The following ESYT2 variants were observed in gnomAD, a reference collection of about 807,000 sequenced individuals.
ESYT2 encodes the protein extended synaptotagmin-2.
Under a neutral mutation model 107.2 loss-of-function variants are expected in ESYT2, and 54 were observed. The observed-to-expected ratio is 0.50, with a 90% CI of 0.40 to 0.63. The LOEUF (loss-of-function observed/expected upper bound fraction) is 0.63, where lower values mean the gene tolerates loss of function less well. Ranked by LOEUF, ESYT2 falls within the 30% of genes least tolerant of loss-of-function variation. The pLI, the probability that ESYT2 is intolerant of heterozygous loss-of-function variation, is 0.00. For missense variants in ESYT2, 1,020 were observed against 1,094.5 expected, an observed-to-expected ratio of 0.93 and a Z score of 0.96; for synonymous variants, 491 against 434.1, an observed-to-expected ratio of 1.13 and a Z score of -1.63.
intron 1 of ESYT2, among the ~76,000 whole-genome samples, chr7:158,822,990 T>C (rs1840328502): frequency 6.6e-6 from 1 of 151,702 alleles, no homozygotes; most frequent in Non-Finnish European, 1.5e-5. Flanking sequence ...CACCTTTTCA[T>C]CCATTATTAA....
chr7:158,776,434 A>G (rs1838565025), intron 6 of ESYT2, among the ~76,000 whole-genome samples: 1 of 152,246 alleles, frequency 6.6e-6, no homozygotes, highest in African/African-American at 2.4e-5. Flanking sequence ...CACCTTTATC[A>G]ATGATCTTAG....
At chr7:158,763,713 T>C (rs1048750733) in intron 9 of ESYT2, among the ~76,000 whole-genome samples, 1 of 152,124 alleles carries the variant, frequency 6.6e-6, no homozygotes, top group Non-Finnish European at 1.5e-5. Flanking sequence ...TTTCTAGGGA[T>C]CCTGGATTGC....
At chr7:158,784,349 T>C (rs1839035060) in intron 6 of ESYT2, among the ~76,000 whole-genome samples, 2 of 152,224 alleles carry the variant, frequency 1.3e-5, no homozygotes, top group African/African-American at 4.8e-5. Flanking sequence ...CAGGGAGCCC[T>C]GTTCAAACAC....
In ESYT2 at chr7:158,821,966, C is replaced by T. The variant is rs112851598; in HGVS notation, c.330+7123G>A. 5.3e-3 allele frequency among the ~76,000 whole-genome samples: 807 copies of T among 152,242 alleles called. 15 individuals carry two copies. The highest frequency in any genetic ancestry group is 0.018 in the African/African-American group (735 of 41,520). On this transcript the variant is annotated intron_variant, in intron 1 of 22. Transcript: ENST00000275418. The stretch of plus-strand genomic sequence containing the variant: ...CCCTCCCTGCTCCTTTCTTCTGAGC[C>T]ACCGTGACACTGGAGCCATCACCAC...
chr7:158,746,754 T>G (rs1428632670), intron 16 of ESYT2, among the ~76,000 whole-genome samples: 1 of 152,084 alleles, frequency 6.6e-6, no homozygotes, highest in Non-Finnish European at 1.5e-5. Flanking sequence ...AAAAAGAGGC[T>G]GGGCACCGTG....
intron 19 of ESYT2, 110 bp from the exon 20 acceptor site, chr7:158,737,289 G>A (rs987459037): frequency 1.0e-5 from 14 of 1,383,690 alleles, no homozygotes; most frequent in African/African-American, 4.4e-5. Context: ...TCTACAAACC[G>A]AGAAGCAACA....
chr7:158,779,679 C>G (rs1381334501), intron 6 of ESYT2, among the ~76,000 whole-genome samples: 1 of 152,194 alleles, frequency 6.6e-6, no homozygotes. Context: ...GCGGCCCCTT[C>G]TGCTCTAAAC....
chr7:158,821,611 A>G (rs1470807095), intron 1 of ESYT2, among the ~76,000 whole-genome samples: 1 of 152,240 alleles, frequency 6.6e-6, no homozygotes, highest in Non-Finnish European at 1.5e-5. Context: ...GGCCTGGGCC[A>G]GCCATCCAGA....
Position 158,741,627 on chromosome 7 carries a change from G to A in ESYT2, c.2064C>T (p.Ser688=), listed in dbSNP as rs1368840733. ...GCTCCTTGACTGAGATGTGGCCTGG[G>A]GAGGCCAGGAGGCTGGAGGAGCTTC... ...LGRSSSSLLA[S]PGHISVKEPT... The change falls in exon 18 of 23, where the codon TCC becomes TCT. Residue 688 remains serine (S), a synonymous_variant. Coordinates refer to ENST00000275418, the MANE Select transcript of ESYT2 (RefSeq NM_001367773.1). The A allele has an allele frequency of 6.2e-7, 1 of 1,613,410 alleles. No homozygotes were observed. Among genetic ancestry groups the A allele is most frequent in the South Asian group, 1.1e-5 (1 of 91,072 alleles).
intron 8 of ESYT2, among the ~76,000 whole-genome samples, chr7:158,765,798 T>C (rs1319110288): frequency 6.6e-6 from 1 of 152,010 alleles, no homozygotes; most frequent in Non-Finnish European, 1.5e-5. Flanking sequence ...TATTGTTTTA[T>C]TGATAAAATA....
In ESYT2 at chr7:158,761,402, G is replaced by A. The variant is rs778432607; in HGVS notation, c.1233+94C>T. The A allele has an allele frequency of 1.3e-5, 13 of 1,038,098 alleles. No individual in the cohort carries two copies. The African/African-American group carries it at 1.4e-4, about 11-fold the overall frequency. The allele number at this position is 1,038,098 out of a possible 1,614,324, so 64.3% of individuals were successfully genotyped here. A position where few individuals can be genotyped will look rare whatever the true frequency, so the allele number is the denominator to read the frequency against. On this transcript the variant is annotated intron_variant, in intron 11 of 22. Coordinates refer to ENST00000275418, the MANE Select transcript of ESYT2 (RefSeq NM_001367773.1). ...CCATACTAATTAGGATTCCGGCACT[G>A]TGTGATGGTGAAGGGGTGGTTCGTG...
At position 158,773,360 on chromosome 7, in the gene ESYT2, G is replaced by C; in HGVS notation, c.784C>G (p.Leu262Val). The change falls in exon 7 of 23, where the codon CTG (leucine) becomes GTG (valine). Residue 262 changes from leucine to valine, a missense_variant. Leu to Val is a conservative substitution (Grantham distance 32, BLOSUM62 1). Transcript: ENST00000275418. Reference protein sequence around the residue: ...EINWTGLTNLLDVPGLNGLSD... With the variant: ...EINWTGLTNLVDVPGLNGLSD... ...ACTTACTTCAATCCAGGGACATCCA[G>C]AAGATTCGTCAGTCCTGTCCAGTTA... is the stretch of plus-strand genomic sequence containing the variant. 6.2e-7 allele frequency: 1 copy of C among 1,614,126 alleles called. No individual in the cohort carries two copies. The highest frequency in any genetic ancestry group is 8.5e-7 in the Non-Finnish European group (1 of 1,180,012).
chr7:158,731,105 T>G lies in ESYT2; in HGVS notation c.*3102A>C, dbSNP rs1044149015. On this transcript the variant is annotated 3_prime_UTR_variant, in exon 23 of 23. Transcript: ENST00000275418. Reference sequence around the variant, plus strand: ...TAACCCCCATCCCCCACCGCTGTTCTCTATTTGCAGTGGGGGGTCCAGCTG... The same window carrying G: ...TAACCCCCATCCCCCACCGCTGTTCGCTATTTGCAGTGGGGGGTCCAGCTG... 6.6e-6 allele frequency: 1 copy of G among 151,856 alleles called. No homozygotes were observed. Among genetic ancestry groups the G allele is most frequent in the East Asian group, 1.9e-4 (1 of 5,194 alleles). 9.4% of individuals were successfully genotyped at this position (151,856 alleles called of 1,614,324 possible).
chr7:158,757,213 T>C (rs1308473890), intron 13 of ESYT2, among the ~76,000 whole-genome samples: 1 of 152,148 alleles, frequency 6.6e-6, no homozygotes, highest in African/African-American at 2.4e-5. Context: ...GTTAAAATCA[T>C]GCAAGAAAAT....
At chr7:158,761,587 AT>A in intron 10 of ESYT2, 43 bp from the exon 11 acceptor site, 3 of 1,538,190 alleles carry the variant, frequency 2.0e-6, no homozygotes, top group Non-Finnish European at 2.7e-6. Context: ...ATAGAAACAC[AT>A]TTCTTACTGA....
intron 16 of ESYT2, among the ~76,000 whole-genome samples, chr7:158,746,397 C>T (rs1182967276): frequency 1.4e-4 from 21 of 151,940 alleles, no homozygotes; most frequent in Admixed American, 1.2e-3. Context: ...CTAGTCCCAG[C>T]CACTTGGGAG....
At chr7:158,824,881 G>A (rs983626356) in intron 1 of ESYT2, among the ~76,000 whole-genome samples, 11 of 152,182 alleles carry the variant, frequency 7.2e-5, no homozygotes, top group Non-Finnish European at 2.9e-5. Flanking sequence ...CCTGAGCATG[G>A]TGGCATGCAA....
intron 3 of ESYT2, among the ~76,000 whole-genome samples, 187 bp from the exon 4 acceptor site, chr7:158,793,913 C>A (rs934512836): frequency 2.0e-5 from 3 of 152,160 alleles, no homozygotes; most frequent in African/African-American, 7.2e-5. Flanking sequence ...ACCTTCCTCC[C>A]GTGAGCTGCA....
intron 6 of ESYT2, among the ~76,000 whole-genome samples, chr7:158,782,530 T>C (rs1187818419): frequency 2.1e-5 from 1 of 48,530 alleles, no homozygotes; most frequent in Non-Finnish European, 5.4e-5. Flanking sequence ...GAATAGCGAG[T>C]GTAAGAAAAT....
Sources: gnomAD v4.1 joint callset for allele counts (sites outside exome capture counted in the v4.1 genomes callset) on GRCh38, gnomAD v4.1.1 for gene constraint, MANE v1.5 for transcripts, NCBI Gene and HGNC (gene_info 2026-07-23, HGNC 2026-07-21) for gene names.